Variants in ZNF528 observed in about 807,000 individuals in gnomAD.
ZNF528 encodes the protein zinc finger protein 528.
In ZNF528, 9 loss-of-function variants were observed where a neutral mutation model predicts 13.3. That is an observed-to-expected ratio of 0.67 (90% CI 0.41 to 1.18). The LOEUF is 1.18. ZNF528 is among the 50% of genes most tolerant of loss of function. ZNF528 has a pLI of 0.01. For missense variants in ZNF528, 858 were observed against 745.4 expected (o/e 1.15, Z -1.76); for synonymous variants, 264 against 254.3 (o/e 1.04, Z -0.36).
At chr19:52,412,591 A>T (rs1438303145) in intron 6 of ZNF528, 3 of 152,014 alleles carry the variant, frequency 2.0e-5, no homozygotes, top group Non-Finnish European at 4.4e-5. Context: ...GGTCCAGGCC[A>T]CCTTCTCATT....
At chr19:52,414,699 G>A (rs528219230) in intron 6 of ZNF528, 1 of 375,314 alleles carries the variant, frequency 2.7e-6, no homozygotes, top group East Asian at 6.6e-5. Flanking sequence ...GGAATGTTGA[G>A]CTGGTCACAT....
Position 52,406,176 on chromosome 19 carries a change from T to C in ZNF528, c.142+143T>C, listed in dbSNP as rs562711165. 2.2e-4 allele frequency: 251 copies of C among 1,149,558 alleles called. 2 individuals are homozygous for C. The South Asian group carries it at 3.3e-3, about 15-fold the overall frequency. 71.2% of individuals were successfully genotyped at this position (1,149,558 alleles called of 1,614,324 possible). On this transcript the variant is annotated intron_variant, in intron 5 of 6. Coordinates refer to ENST00000360465, the MANE Select transcript of ZNF528 (RefSeq NM_032423.3). ...AGAATTGAAAAACTGTATTACACTT[T>C]CTGGACTTGAAATGTCCCCTTTCTT...
chr19:52,415,483 A>G lies in ZNF528; in HGVS notation c.631A>G (p.Asn211Asp). Residue 211 changes from asparagine to aspartate, a missense_variant, in exon 7 of 7, where the codon AAT becomes GAT. Physicochemically the swap from Asn to Asp is conservative, Grantham distance 23 (BLOSUM62 1). Transcript: ENST00000360465. The stretch of plus-strand genomic sequence containing the variant: ...TAACCAAGTAATCCATAACGCAGAT[A>G]ATCCTTACAAATGCAGTGAATGTGG... Reference protein sequence around the residue: ...LTNQVIHNADNPYKCSECGKV... With the variant: ...LTNQVIHNADDPYKCSECGKV... 6.2e-7 allele frequency: 1 copy of G among 1,614,234 alleles called. No individual in the cohort carries two copies. Among genetic ancestry groups the G allele is most frequent in the South Asian group, 1.1e-5 (1 of 91,080 alleles).
At chr19:52,399,557 C>T (rs773265988) in intron 2 of ZNF528, among the ~76,000 whole-genome samples, 2 of 151,966 alleles carry the variant, frequency 1.3e-5, no homozygotes, top group African/African-American at 4.8e-5. Flanking sequence ...TGCAGTGAGC[C>T]GAGATCGTGT....
At position 52,401,762 on chromosome 19, in the gene ZNF528, A is replaced by C. The variant is rs1335160862; in HGVS notation, c.-68+9A>C. On this transcript the variant is annotated intron_variant, in intron 3 of 6. Transcript: ENST00000360465. The stretch of plus-strand genomic sequence containing the variant: ...TCCACTCAACAGACGAGGTACCTTA[A>C]CCACATAATGGTTGATTTCCAAAAT... 7.4e-6 allele frequency: 11 copies of C among 1,491,150 alleles called. No individual in the cohort carries two copies. Among genetic ancestry groups the C allele is most frequent in the Non-Finnish European group, 9.8e-6 (11 of 1,119,628 alleles). 92.4% of individuals were successfully genotyped at this position (1,491,150 alleles called of 1,614,324 possible).
At chr19:52,398,880 G>T (rs2058759255) in intron 2 of ZNF528, among the ~76,000 whole-genome samples, 1 of 152,114 alleles carries the variant, frequency 6.6e-6, no homozygotes, top group Non-Finnish European at 1.5e-5. Flanking sequence ...GGAGGCCTGG[G>T]ATCTAAGGGT....
At chr19:52,400,897 T>C (rs532952885) in intron 2 of ZNF528, among the ~76,000 whole-genome samples, 1 of 152,264 alleles carries the variant, frequency 6.6e-6, no homozygotes, top group East Asian at 1.9e-4. Context: ...GATCACTCTT[T>C]TTTTTCGCAG....
chr19:52,401,658 A>G, intron 2 of ZNF528, 27 bp from the exon 3 acceptor site: 2 of 895,550 alleles, frequency 2.2e-6, no homozygotes, highest in Non-Finnish European at 3.0e-6. Flanking sequence ...CACATGAAGA[A>G]TTGCTTTTTT....
Position 52,415,207 on chromosome 19 carries a change from G to T in ZNF528, c.355G>T (p.Asp119Tyr), listed in dbSNP as rs746261166. Residue 119 changes from aspartate to tyrosine, a missense_variant, in exon 7 of 7, where the codon GAT becomes TAT. Transcript: ENST00000360465. ...LGFTFQLHLS[D>Y]LQLFQAERKI... Reference sequence around the variant, plus strand: ...ATTCACTTTTCAGTTACATCTGAGTGATCTACAGCTATTTCAAGCTGAAAG... The same window carrying T: ...ATTCACTTTTCAGTTACATCTGAGTTATCTACAGCTATTTCAAGCTGAAAG... 2.5e-6 allele frequency: 4 copies of T among 1,613,854 alleles called. No individual in the cohort carries two copies. Among genetic ancestry groups the T allele is most frequent in the South Asian group, 1.1e-5 (1 of 91,002 alleles).
rs1161667435 is a variant in ZNF528 at position 52,415,415 on chromosome 19, GTAA to G, written c.565_567del (p.Asn189del). The G allele has an allele frequency of 6.2e-7, 1 of 1,614,152 alleles. No homozygotes were observed. ...CACATTAGGGAAAAAGCTTATAAAT[GTAA>G]TGAGCACGGCCAAGTCTTTAGAGCA... On this transcript the variant is annotated inframe_deletion, in exon 7 of 7. Coordinates refer to ENST00000360465, the MANE Select transcript of ZNF528 (RefSeq NM_032423.3).
rs774472520 is a variant in ZNF528 at position 52,416,728 on chromosome 19, G to A, written c.1876G>A (p.Val626Ile). 4 of 1,580,452 alleles carry A rather than the reference G, an allele frequency of 2.5e-6. No individual in the cohort carries two copies. In the East Asian group the frequency reaches 9.1e-5, roughly 36 times the overall value. ...HNSDLAQHQRVHS is the reference protein window; with the variant it reads ...HNSDLAQHQRIHS ...TTCTGACCTTGCACAGCATCAGAGA[G>A]TTCATTCATGAGAGTCCCTACAAAC... Residue 626 changes from valine (V) to isoleucine (I), a missense_variant, in exon 7 of 7, where the codon GTT becomes ATT. By Grantham distance (29) the Val-to-Ile change is conservative (BLOSUM62 3). Coordinates refer to ENST00000360465, the MANE Select transcript of ZNF528 (RefSeq NM_032423.3).
chr19:52,413,877 C>A, intron 6 of ZNF528: 1 of 247,432 alleles, frequency 4.0e-6, no homozygotes, highest in South Asian at 5.8e-5. Flanking sequence ...CTCTTTTAAT[C>A]CTTTTCCTGC....
In ZNF528 at chr19:52,406,653, C is replaced by T. The variant is rs200008783; in HGVS notation, c.271+10C>T. Reference sequence around the variant, plus strand: ...AAAGGTGTGAACACAGGTGAGAGCTCGGGTGGGCAGAGTGGAGGCCCCATA... The same window carrying T: ...AAAGGTGTGAACACAGGTGAGAGCTTGGGTGGGCAGAGTGGAGGCCCCATA... On this transcript the variant is annotated intron_variant, in intron 6 of 6. Coordinates refer to ENST00000360465, the MANE Select transcript of ZNF528 (RefSeq NM_032423.3). 22 of 1,604,792 alleles carry T rather than the reference C, an allele frequency of 1.4e-5. No individual in the cohort carries two copies. The Admixed American group carries it at 3.1e-4, about 23-fold the overall frequency.
intron 4 of ZNF528, among the ~76,000 whole-genome samples, chr19:52,404,338 C>T (rs967757785): frequency 2.0e-5 from 3 of 152,064 alleles, no homozygotes; most frequent in Admixed American, 6.6e-5. Context: ...TGCGATTCTC[C>T]TGCCTCAGCC....
rs1412266793 is a variant in ZNF528 at position 52,416,110 on chromosome 19, C to T, written c.1258C>T (p.Gln420Ter). Residue 420 changes from glutamine to a stop codon, truncating the protein, a stop_gained, in exon 7 of 7, where the codon CAG (glutamine) becomes TAG (stop). Coordinates refer to ENST00000360465, the MANE Select transcript of ZNF528 (RefSeq NM_032423.3). LOFTEE classifies it low-confidence loss of function (END_TRUNC). ...CAGTCAGTGTGGCAAGATCTTTAGT[C>T]AGAAATCAGACCTTATACGACATCG... ...GCSQCGKIFS[Q>*]KSDLIRHRKT... 6.2e-7 allele frequency: 1 copy of T among 1,613,910 alleles called. No homozygotes were observed. The highest frequency in any genetic ancestry group is 1.7e-5 in the Admixed American group (1 of 60,018).
intron 4 of ZNF528, among the ~76,000 whole-genome samples, chr19:52,404,789 G>C (rs1350584679): frequency 6.6e-6 from 1 of 151,192 alleles, no homozygotes. Context: ...AGTAGAGACA[G>C]GGTTTTACCA....
rs767519379 is a variant in ZNF528, at chr19:52,416,298, T to G, written c.1446T>G (p.Ser482Arg). Residue 482 changes from serine (S) to arginine (R), a missense_variant, in exon 7 of 7, where the codon AGT becomes AGG. Coordinates refer to ENST00000360465, the MANE Select transcript of ZNF528 (RefSeq NM_032423.3). ...KVFRYKSSLT[S>R]HHRIHTGEKP... ...TCAGGTACAAGTCTTCTCTAACCAG[T>G]CATCATAGAATTCATACTGGAGAGA... The G allele has an allele frequency of 4.0e-5, 65 of 1,612,814 alleles. No individual in the cohort carries two copies. Among genetic ancestry groups the G allele is most frequent in the Non-Finnish European group, 5.3e-5 (62 of 1,179,584 alleles).
chr19:52,409,250 A>G (rs1378475000), intron 6 of ZNF528, among the ~76,000 whole-genome samples: 1 of 150,344 alleles, frequency 6.7e-6, no homozygotes, highest in Non-Finnish European at 1.5e-5. Context: ...TCTTTATAGT[A>G]TGTCTCTGTG....
In ZNF528 at chr19:52,398,633, T is replaced by G; in HGVS notation, c.-137+14T>G. The stretch of plus-strand genomic sequence containing the variant: ...GCAAAGTAGAAGGTGAGTGAGGGGT[T>G]TGCAGAGGCACAGTGAAAGAAGGTG... On this transcript the variant is annotated intron_variant, in intron 2 of 6. Transcript: ENST00000360465. 2 of 984,982 alleles carry G rather than the reference T, an allele frequency of 2.0e-6. No homozygotes were observed. The highest frequency in any genetic ancestry group is 2.4e-6 in the Non-Finnish European group (2 of 829,558). The allele number at this position is 984,982 out of a possible 1,614,324, so 61.0% of individuals were successfully genotyped here. A position where few individuals can be genotyped will look rare whatever the true frequency, so the allele number is the denominator to read the frequency against.
Sources: allele counts gnomAD v4.1 joint callset (sites outside exome capture counted in the v4.1 genomes callset), GRCh38; gene constraint gnomAD v4.1.1; transcripts MANE v1.5; gene names NCBI Gene and HGNC (gene_info 2026-07-23, HGNC 2026-07-21).